ABCB1: variants seen among roughly 807,000 people sequenced by gnomAD.
ABCB1 encodes the protein ATP-dependent translocase ABCB1.
In ABCB1, 69 loss-of-function variants were observed where a neutral mutation model predicts 142.0. The ratio of observed to expected loss-of-function variants is 0.49; its 90% CI spans 0.40 to 0.59. The LOEUF (loss-of-function observed/expected upper bound fraction) is 0.59, where lower values mean the gene tolerates loss of function less well. Ranked by LOEUF, ABCB1 falls within the 20% of genes least tolerant of loss-of-function variation. ABCB1 has a pLI of 0.00. For synonymous variants in ABCB1, 532 were observed against 539.2 expected, an observed-to-expected ratio of 0.99 and a Z score of 0.18; for missense variants, 1,326 against 1,554.7, an observed-to-expected ratio of 0.85 and a Z score of 2.47.
chr7:87,566,572 T>C lies in ABCB1; in HGVS notation c.530+213A>G, dbSNP rs28381848. 0.077 allele frequency among the ~76,000 whole-genome samples: 11,664 copies of C among 152,228 alleles called. 517 individuals are homozygous for C. The highest frequency in any genetic ancestry group is 0.12 in the African/African-American group (4,830 of 41,514). On this transcript the variant is annotated intron_variant, in intron 6 of 27. Transcript: ENST00000622132. The stretch of plus-strand genomic sequence containing the variant: ...CTTCATTCTGGCAAAGCCCAGTCCT[T>C]CATTTAATGCTAGTCATGCAGGTCC...
chr7:87,548,137 A>AAGGGGAGGGAAGGGGAGGGAAGGGG (rs1178167886), intron 14 of ABCB1, among the ~76,000 whole-genome samples: 2 of 49,690 alleles, frequency 4.0e-5, no homozygotes, highest in Admixed American at 4.7e-4. Flanking sequence ...AAGGGGAGGG[A>AAGGGGAGGGAAGGGGAGGGAAGGGG]AGGGAAGGGG....
intron 14 of ABCB1, among the ~76,000 whole-genome samples, chr7:87,546,555 C>CAA (rs796575409): frequency 7.5e-6 from 1 of 133,774 alleles, no homozygotes; most frequent in Admixed American, 7.6e-5. Context: ...GACTCCATCT[C>CAA]AAAAAAAAAA....
chr7:87,536,798 A>T (rs764308592), intron 19 of ABCB1, among the ~76,000 whole-genome samples: 1 of 152,222 alleles, frequency 6.6e-6, no homozygotes, highest in Non-Finnish European at 1.5e-5. Flanking sequence ...AACAAAAAAG[A>T]CAAAGTAGCT....
chr7:87,539,169 C>G (rs1472091725), intron 19 of ABCB1, 99 bp downstream of exon 19: 12 of 1,284,944 alleles, frequency 9.3e-6, no homozygotes, highest in Non-Finnish European at 1.0e-5. Context: ...AATATAGGAG[C>G]TAGGCCTGGG....
intron 1 of ABCB1, among the ~76,000 whole-genome samples, chr7:87,665,002 A>G (rs1469048117): frequency 6.6e-6 from 1 of 152,172 alleles, no homozygotes; most frequent in Non-Finnish European, 1.5e-5. Context: ...CATCATATTC[A>G]GTGGTAAAAA....
chr7:87,697,924 G>A (rs574371997), intron 1 of ABCB1, among the ~76,000 whole-genome samples: 22 of 152,026 alleles, frequency 1.4e-4, no homozygotes, highest in Admixed American at 3.3e-4. Context: ...CCCTCCAAAC[G>A]GCTAACAAAT....
chr7:87,684,673 A>G (rs1827268912), intron 1 of ABCB1, among the ~76,000 whole-genome samples: 1 of 143,034 alleles, frequency 7.0e-6, no homozygotes, highest in Non-Finnish European at 1.5e-5. Context: ...GCTTGAACCC[A>G]GGAGGCAGAG....
chr7:87,700,004 T>G (rs1449692795), intron 1 of ABCB1, among the ~76,000 whole-genome samples: 3 of 152,144 alleles, frequency 2.0e-5, no homozygotes, highest in Non-Finnish European at 4.4e-5. Flanking sequence ...TGGTGGGGTT[T>G]TTTTTTCTGT....
At chr7:87,664,035 A>G (rs1386865126) in intron 1 of ABCB1, among the ~76,000 whole-genome samples, 1 of 152,178 alleles carries the variant, frequency 6.6e-6, no homozygotes, top group Non-Finnish European at 1.5e-5. Flanking sequence ...TGAATTTTGG[A>G]GGCATGCAAT....
intron 1 of ABCB1, chr7:87,710,553 TTTC>T: frequency 2.7e-6 from 4 of 1,464,174 alleles, no homozygotes; most frequent in Non-Finnish European, 3.7e-6. Context: ...TATTTGATTC[TTTC>T]TTCTTCCTTT....
At chr7:87,616,295 T>A (rs1584925396) in intron 1 of ABCB1, among the ~76,000 whole-genome samples, 1 of 152,344 alleles carries the variant, frequency 6.6e-6, no homozygotes, top group Non-Finnish European at 1.5e-5. Context: ...AAGAAAAGCA[T>A]GAAGATAATC....
intron 4 of ABCB1, among the ~76,000 whole-genome samples, chr7:87,580,375 C>A (rs1352488824): frequency 1.3e-5 from 2 of 152,212 alleles, no homozygotes; most frequent in East Asian, 3.8e-4. Context: ...TGTCACGCTA[C>A]TCTCTTCAGA....
intron 1 of ABCB1, among the ~76,000 whole-genome samples, chr7:87,673,414 T>G (rs1826023617): frequency 6.6e-6 from 1 of 152,228 alleles, no homozygotes; most frequent in African/African-American, 2.4e-5. Context: ...TTTTGTTTAT[T>G]CCTTTTTATT....
intron 1 of ABCB1, among the ~76,000 whole-genome samples, chr7:87,618,644 T>G (rs1820114824): frequency 6.6e-6 from 1 of 152,234 alleles, no homozygotes; most frequent in South Asian, 2.1e-4. Flanking sequence ...CTCCCTGGTA[T>G]TACTCCTGTG....
Position 87,600,121 on chromosome 7 carries a change from T to C in ABCB1, c.64A>G (p.Lys22Glu). The C allele has an allele frequency of 6.2e-7, 1 of 1,613,468 alleles. No homozygotes were observed. Among genetic ancestry groups the C allele is most frequent in the Non-Finnish European group, 8.5e-7 (1 of 1,179,450 alleles). Residue 22 changes from lysine to glutamate, a missense_variant, in exon 2 of 28, where the codon AAA (lysine) becomes GAA (glutamate). Physicochemically the swap from Lys to Glu is moderately conservative, Grantham distance 56. Transcript: ENST00000622132. Reference protein sequence around the residue: ...KKKNFFKLNNKSEKDKKEKKP... With the variant: ...KKKNFFKLNNESEKDKKEKKP... ...AAAATGAAACAAGCTAGTTACCTTT[T>C]ATTGTTCAGTTTAAAAAAGTTCTTC...
chr7:87,646,898 T>C (rs1823059381), intron 1 of ABCB1, among the ~76,000 whole-genome samples: 2 of 152,174 alleles, frequency 1.3e-5, no homozygotes, highest in African/African-American at 4.8e-5. Flanking sequence ...ATCCGTTAGG[T>C]ACAAGAAACT....
intron 1 of ABCB1, among the ~76,000 whole-genome samples, chr7:87,645,575 T>G (rs1822920035): frequency 6.6e-6 from 1 of 152,224 alleles, no homozygotes; most frequent in African/African-American, 2.4e-5. Flanking sequence ...TTTTTAGACA[T>G]TCATCAAATT....
chr7:87,670,136 A>G (rs1478242496), intron 1 of ABCB1, among the ~76,000 whole-genome samples: 3 of 152,082 alleles, frequency 2.0e-5, no homozygotes, highest in Non-Finnish European at 4.4e-5. Context: ...TCTTTACATG[A>G]TCCAATACTT....
intron 1 of ABCB1, among the ~76,000 whole-genome samples, chr7:87,665,385 T>C (rs1023458587): frequency 6.6e-6 from 1 of 152,084 alleles, no homozygotes; most frequent in African/African-American, 2.4e-5. Flanking sequence ...GGCAAGGAAG[T>C]GAAACCTCTG....
Sources: allele counts gnomAD v4.1 joint callset (sites outside exome capture counted in the v4.1 genomes callset), GRCh38; gene constraint gnomAD v4.1.1; transcripts MANE v1.5; gene names NCBI Gene and HGNC (gene_info 2026-07-23, HGNC 2026-07-21).